The following FMN1 variants were observed in gnomAD, a reference collection of about 807,000 sequenced individuals.
The protein encoded by FMN1 is formin-1.
Under a neutral mutation model 132.4 loss-of-function variants are expected in FMN1, and 110 were observed. The ratio of observed to expected loss-of-function variants is 0.83; its 90% CI spans 0.71 to 0.97. The LOEUF (loss-of-function observed/expected upper bound fraction) is 0.97. FMN1 is among the 50% of genes least tolerant of loss of function. The probability of loss-of-function intolerance (pLI) is 0.00; values close to 1 mark genes in which losing one functional copy is unlikely to be tolerated. For synonymous variants in FMN1, 722 were observed against 651.7 expected (o/e 1.11, Z -1.64); for missense variants, 1,792 against 1,705.3 (o/e 1.05, Z -0.90).
At chr15:33,125,559 G>C (rs547115365) in intron 4 of FMN1, among the ~76,000 whole-genome samples, 1 of 152,242 alleles carries the variant, frequency 6.6e-6, no homozygotes, top group African/African-American at 2.4e-5. Context: ...TTCAGAATAG[G>C]TGGGGCATGG....
chr15:33,140,587 C>G (rs555253195), intron 4 of FMN1, among the ~76,000 whole-genome samples: 34 of 152,296 alleles, frequency 2.2e-4, no homozygotes, highest in African/African-American at 7.0e-4. Context: ...TAGTGTCAGA[C>G]TCACATGTAA....
intron 5 of FMN1, among the ~76,000 whole-genome samples, chr15:33,082,402 T>G (rs2038517659): frequency 6.6e-6 from 1 of 152,188 alleles, no homozygotes; most frequent in Non-Finnish European, 1.5e-5. Flanking sequence ...ATAATCCTAA[T>G]GACTACTTAC....
chr15:33,023,059 C>CAAAAAAAAAAAAAAA (rs758459713), intron 6 of FMN1, among the ~76,000 whole-genome samples: 26 of 53,184 alleles, frequency 4.9e-4, no homozygotes, highest in Admixed American at 6.1e-4. Context: ...CTCCCCCACC[C>CAAAAAAAAAAAAAAA]AAAAAAAAAA....
At chr15:32,979,741 A>G (rs1227082963) in intron 7 of FMN1, among the ~76,000 whole-genome samples, 5 of 49,786 alleles carry the variant, frequency 1.0e-4, no homozygotes, top group Non-Finnish European at 1.8e-4. Context: ...CAACTGAAGA[A>G]AACCCAGGAC....
chr15:32,864,710 TTAGACAAACAAGTGCCTTTTTA>T (rs1279689545), intron 16 of FMN1, among the ~76,000 whole-genome samples: 6 of 152,306 alleles, frequency 3.9e-5, no homozygotes, highest in South Asian at 2.1e-4. Context: ...ATACATGGAC[TTAGACAAACAAGTGCCTTTTTA>T]TAGACAAACA....
At chr15:32,919,569 A>AT (rs1342454276) in intron 10 of FMN1, among the ~76,000 whole-genome samples, 2 of 152,186 alleles carry the variant, frequency 1.3e-5, no homozygotes, top group Non-Finnish European at 2.9e-5. Context: ...TTTAATTCAT[A>AT]TTTTTTGCAT....
intron 4 of FMN1, among the ~76,000 whole-genome samples, chr15:33,093,202 A>C (rs2038963005): frequency 1.3e-5 from 2 of 152,186 alleles, no homozygotes; most frequent in Non-Finnish European, 2.9e-5. Flanking sequence ...AGGAGAGAAA[A>C]AACAAAAACC....
At chr15:32,991,711 G>T (rs537160839) in intron 7 of FMN1, among the ~76,000 whole-genome samples, 1 of 152,104 alleles carries the variant, frequency 6.6e-6, no homozygotes, top group Non-Finnish European at 1.5e-5. Flanking sequence ...TGGTCCTTCC[G>T]TCAGACACCG....
At chr15:33,079,402 C>T (rs1200261567) in intron 5 of FMN1, among the ~76,000 whole-genome samples, 1 of 152,198 alleles carries the variant, frequency 6.6e-6, no homozygotes, top group Non-Finnish European at 1.5e-5. Context: ...GAGGGAGGAT[C>T]ACCTGAGATC....
Position 33,154,520 on chromosome 15 carries a change from C to G in FMN1, c.395G>C (p.Cys132Ser), listed in dbSNP as rs1387853365. ...LSVSLAPEDD[C>S]FQSAGDWQGE... The stretch of plus-strand genomic sequence containing the variant: ...CTGCCAGTCACCAGCACTCTGGAAA[C>G]AGTCATCCTCGGGGGCCAGGCTCAC... Residue 132 changes from cysteine (C) to serine (S), a missense_variant, in exon 4 of 21, where the codon TGT becomes TCT. By Grantham distance (112) the Cys-to-Ser change is moderately radical. Around this residue, in one of 3 missense-constraint regions of FMN1, gnomAD observed 638 missense variants for 645.2 expected, o/e 0.99. Transcript: ENST00000616417. 7.8e-6 allele frequency: 12 copies of G among 1,535,960 alleles called. No homozygotes were observed. In the East Asian group the frequency reaches 2.4e-4, roughly 31 times the overall value.
intron 5 of FMN1, among the ~76,000 whole-genome samples, chr15:33,077,691 G>A (rs538170417): frequency 2.7e-5 from 4 of 149,844 alleles, no homozygotes; most frequent in African/African-American, 9.8e-5. Flanking sequence ...CAAAGGCCAT[G>A]AATTCATCAT....
At chr15:33,119,502 T>G (rs528562317) in intron 4 of FMN1, among the ~76,000 whole-genome samples, 1 of 152,266 alleles carries the variant, frequency 6.6e-6, no homozygotes, top group South Asian at 2.1e-4. Context: ...CATTAATGAG[T>G]CCACCGTCCG....
At chr15:32,781,618 T>C (rs2056666926) in intron 19 of FMN1, among the ~76,000 whole-genome samples, 1 of 152,216 alleles carries the variant, frequency 6.6e-6, no homozygotes, top group African/African-American at 2.4e-5. Flanking sequence ...TTCAAAATCT[T>C]ATGCTTTTGG....
chr15:32,994,912 T>C (rs1335325405), intron 7 of FMN1, among the ~76,000 whole-genome samples: 2 of 152,176 alleles, frequency 1.3e-5, no homozygotes, highest in Non-Finnish European at 2.9e-5. Context: ...TTCTGTAAAA[T>C]AAACTAACAA....
At chr15:33,032,902 C>T (rs144561628) in intron 6 of FMN1, among the ~76,000 whole-genome samples, 3,043 of 152,220 alleles carry the variant, frequency 0.02, 50 homozygotes, top group Non-Finnish European at 0.034. Flanking sequence ...AATGGTGATT[C>T]CTACTTCGCA....
chr15:33,092,091 T>C (rs988063988), intron 4 of FMN1, among the ~76,000 whole-genome samples: 4 of 152,184 alleles, frequency 2.6e-5, no homozygotes, highest in African/African-American at 9.7e-5. Flanking sequence ...CCACGGTTAA[T>C]ACAACGTACA....
chr15:33,127,358 T>TAAGA (rs1160915), intron 4 of FMN1, among the ~76,000 whole-genome samples: 14,762 of 152,188 alleles, frequency 0.097, 1,655 homozygotes, highest in East Asian at 0.6. Context: ...CTAAATAACT[T>TAAGA]GACTCTGTTC....
intron 7 of FMN1, 138 bp downstream of exon 7, chr15:33,007,876 C>A (rs2034500323): frequency 3.2e-6 from 2 of 623,226 alleles, no homozygotes; most frequent in Admixed American, 2.9e-5. Flanking sequence ...CCTGTATAGA[C>A]ACAGTGCCTA....
intron 6 of FMN1, among the ~76,000 whole-genome samples, chr15:33,019,792 C>T (rs2035318496): frequency 6.6e-6 from 1 of 152,208 alleles, no homozygotes. Flanking sequence ...CAAGCCCATG[C>T]CCACTCGGAC....
Sources: gnomAD v4.1 joint callset for allele counts (sites outside exome capture counted in the v4.1 genomes callset) on GRCh38, gnomAD v4.1.1 for gene constraint, gnomAD v4.1.1 regional missense constraint, MANE v1.5 for transcripts, NCBI Gene and HGNC (gene_info 2026-07-23, HGNC 2026-07-21) for gene names.